The following NAA11 variants were observed in gnomAD, a reference collection of about 807,000 sequenced individuals.
NAA11 encodes the protein N-alpha-acetyltransferase 11, NatA catalytic subunit, also known as N-alpha-acetyltransferase 11.
In NAA11, 15 loss-of-function variants were observed where a neutral mutation model predicts 16.1. The ratio of observed to expected loss-of-function variants is 0.93; its 90% confidence interval spans 0.62 to 1.44. The LOEUF is 1.44. NAA11 is among the 40% of genes most tolerant of loss of function. The probability of loss-of-function intolerance (pLI) is 0.00; values close to 1 mark genes in which losing one functional copy is unlikely to be tolerated. For missense variants in NAA11, 298 were observed against 291.3 expected, an observed-to-expected ratio of 1.02 and a Z score of -0.17; for synonymous variants, 122 against 112.4, an observed-to-expected ratio of 1.09 and a Z score of -0.54.
the NAA11 span, among the ~76,000 whole-genome samples, chr4:79,182,045 G>A: frequency 6.6e-6 from 1 of 152,144 alleles, no homozygotes; most frequent in Non-Finnish European, 1.5e-5. Flanking sequence ...ACAAAACCAA[G>A]GCTCAGAGAA....
At chr4:79,246,670 T>C (rs1345803235) in intron 2 of NAA11, among the ~76,000 whole-genome samples, 5 of 152,220 alleles carry the variant, frequency 3.3e-5, no homozygotes, top group Non-Finnish European at 7.3e-5. Context: ...TTTATAATAA[T>C]ATACTAATAA....
In NAA11 at chr4:79,243,523, G is replaced by A. The variant is rs543341688; in HGVS notation, c.*123-17253C>T. Among the ~76,000 whole-genome samples, 113 of 152,198 alleles carry A rather than the reference G, an allele frequency of 7.4e-4. 1 individual carries two copies. Among genetic ancestry groups the A allele is most frequent in the African/African-American group, 1.1e-3 (45 of 41,468 alleles). On this transcript the variant is annotated intron_variant and NMD_transcript_variant, in intron 2 of 2. Transcript: ENST00000511542. Reference sequence around the variant, plus strand: ...CACCACTAAACCATAAACTCCATGAGAGCAATCTCTTTTGTGTCTTAATCA... The same window carrying A: ...CACCACTAAACCATAAACTCCATGAAAGCAATCTCTTTTGTGTCTTAATCA...
At chr4:79,209,675 T>C in the NAA11 span, among the ~76,000 whole-genome samples, 1 of 152,136 alleles carries the variant, frequency 6.6e-6, no homozygotes, top group Non-Finnish European at 1.5e-5. Context: ...AGTTGCACAC[T>C]TGTAGTTATT....
chr4:79,181,497 G>A, the NAA11 span, among the ~76,000 whole-genome samples: 2 of 152,182 alleles, frequency 1.3e-5, no homozygotes, highest in Non-Finnish European at 1.5e-5. Flanking sequence ...GAAAGTTCAA[G>A]GAAGAAATTA....
the NAA11 span, among the ~76,000 whole-genome samples, chr4:79,201,131 TG>T: frequency 6.6e-6 from 1 of 151,652 alleles, no homozygotes; most frequent in African/African-American, 2.4e-5. Context: ...TAAAATATAG[TG>T]CATGGCTGTT....
chr4:79,201,407 T>C, the NAA11 span, among the ~76,000 whole-genome samples: 2 of 151,804 alleles, frequency 1.3e-5, no homozygotes, highest in Non-Finnish European at 2.9e-5. Flanking sequence ...GTATTGAGTA[T>C]TGATAACTAA....
the NAA11 span, among the ~76,000 whole-genome samples, chr4:79,170,425 A>G: frequency 6.6e-6 from 1 of 152,138 alleles, no homozygotes; most frequent in East Asian, 1.9e-4. Flanking sequence ...AAGAGAGGAC[A>G]TTCAGATGTT....
At chr4:79,256,072 C>T (rs1722102233) in intron 2 of NAA11, among the ~76,000 whole-genome samples, 1 of 152,068 alleles carries the variant, frequency 6.6e-6, no homozygotes, top group African/African-American at 2.4e-5. Context: ...TGTCTGAGCC[C>T]CACCTCCGGA....
intron 2 of NAA11, among the ~76,000 whole-genome samples, chr4:79,231,124 G>T (rs1405954533): frequency 2.6e-5 from 4 of 152,060 alleles, no homozygotes; most frequent in African/African-American, 9.6e-5. Flanking sequence ...AACTGACATA[G>T]AGAGCAATTG....
intron 2 of NAA11, among the ~76,000 whole-genome samples, chr4:79,241,138 G>A (rs1560415528): frequency 6.6e-6 from 1 of 152,068 alleles, no homozygotes. Context: ...GAGACAGCAA[G>A]ACCAACCCCT....
the NAA11 span, among the ~76,000 whole-genome samples, chr4:79,213,998 G>C: frequency 1.3e-5 from 2 of 152,106 alleles, no homozygotes; most frequent in Non-Finnish European, 2.9e-5. Context: ...ATATTTTCAG[G>C]AATTTTGCAT....
the NAA11 span, among the ~76,000 whole-genome samples, chr4:79,162,911 A>T: frequency 6.6e-6 from 1 of 152,248 alleles, no homozygotes; most frequent in Non-Finnish European, 1.5e-5. Context: ...AGTATTTTTC[A>T]TATATTATTA....
downstream of NAA11, among the ~76,000 whole-genome samples, chr4:79,315,219 TA>T (rs1019210912): frequency 2.0e-5 from 3 of 152,152 alleles, no homozygotes; most frequent in Non-Finnish European, 4.4e-5. Context: ...CTGCATTTTT[TA>T]ACATAATAAC....
the NAA11 span, among the ~76,000 whole-genome samples, chr4:79,156,772 A>G: frequency 2.0e-5 from 3 of 152,228 alleles, no homozygotes; most frequent in Admixed American, 2.0e-4. Flanking sequence ...AGAAAGTTAA[A>G]TAACTTGCCT....
chr4:79,216,536 C>G, the NAA11 span, among the ~76,000 whole-genome samples: 15 of 152,130 alleles, frequency 9.9e-5, no homozygotes, highest in African/African-American at 3.6e-4. Context: ...GTATTATATA[C>G]ACTTGATATT....
At position 79,242,168 on chromosome 4, in the gene NAA11, C is replaced by T. The variant is rs572481519; in HGVS notation, c.*123-15898G>A. Among the ~76,000 whole-genome samples, 8 of 152,248 alleles carry T rather than the reference C, an allele frequency of 5.3e-5. No homozygotes were observed. The East Asian group carries it at 7.7e-4, about 15-fold the overall frequency. ...GCTTCCTGTCAAGTTCCATTCATAC[C>T]GCCATGAATGCATTCCTAGAGAGTC... On this transcript the variant is annotated intron_variant and NMD_transcript_variant, in intron 2 of 2. Transcript: ENST00000511542.
chr4:79,280,735 C>T (rs1722767035), intron 2 of NAA11, among the ~76,000 whole-genome samples: 2 of 151,988 alleles, frequency 1.3e-5, no homozygotes, highest in Admixed American at 1.3e-4. Context: ...TATCCAGCAA[C>T]AATGCCTGGC....
At position 79,325,384 on chromosome 4, in the gene NAA11, T is replaced by G; in HGVS notation, c.494A>C (p.Lys165Thr). ...GCCCAGGACCACATACCCGCCCTTC[T>G]TCAGGTCCATTTGTCGTCTCAGCTC... is the stretch of plus-strand genomic sequence containing the variant. ...ADELRRQMDLKKGGYVVLGSR... is the reference protein window; with the variant it reads ...ADELRRQMDLTKGGYVVLGSR... Residue 165 changes from lysine (K) to threonine (T), a missense_variant, in exon 1 of 2, where the codon AAG becomes ACG. Lys to Thr is a moderately conservative substitution (Grantham distance 78). Transcript: ENST00000286794. 6.2e-7 allele frequency: 1 copy of G among 1,614,094 alleles called. No homozygotes were observed. Among genetic ancestry groups the G allele is most frequent in the Non-Finnish European group, 8.5e-7 (1 of 1,179,962 alleles).
the NAA11 span, among the ~76,000 whole-genome samples, chr4:79,196,304 A>T: frequency 6.6e-6 from 1 of 152,018 alleles, no homozygotes; most frequent in Non-Finnish European, 1.5e-5. Context: ...ATAGACACCC[A>T]GAGAGGATTA....
Sources: gnomAD v4.1 joint callset for allele counts (sites outside exome capture counted in the v4.1 genomes callset) on GRCh38, gnomAD v4.1.1 for gene constraint, MANE v1.5 for transcripts, NCBI Gene and HGNC (gene_info 2026-07-23, HGNC 2026-07-21) for gene names.